Variants in GNGT1 observed in about 807,000 individuals in gnomAD.
GNGT1 encodes the protein G protein subunit gamma transducin 1, also known as guanine nucleotide-binding protein G(T) subunit gamma-T1.
In GNGT1, 4 loss-of-function variants were observed where a neutral mutation model predicts 7.4. That is an observed-to-expected ratio of 0.54 (90% CI 0.27 to 1.24). The LOEUF (loss-of-function observed/expected upper bound fraction) is 1.24. GNGT1 is among the 50% of genes most tolerant of loss of function. The pLI is 0.12. For synonymous variants in GNGT1, 37 were observed against 30.2 expected (o/e 1.23, Z -0.74); for missense variants, 95 against 82.4 (o/e 1.15, Z -0.59).
chr7:93,907,211 A>G (rs1794389283), intron 2 of GNGT1, among the ~76,000 whole-genome samples: 1 of 152,132 alleles, frequency 6.6e-6, no homozygotes, highest in Non-Finnish European at 1.5e-5. Flanking sequence ...AAGAAAAGAA[A>G]AAGAGAAAAA....
At chr7:93,906,971 G>C in intron 2 of GNGT1, 129 bp downstream of exon 2, 1 of 497,620 alleles carries the variant, frequency 2.0e-6, no homozygotes, top group Non-Finnish European at 3.5e-6. Flanking sequence ...ATTTATCAAA[G>C]ATTAAGAAAA....
At chr7:93,906,672 G>A in intron 1 of GNGT1, 28 bp downstream of exon 1, 1 of 835,650 alleles carries the variant, frequency 1.2e-6, no homozygotes. Context: ...GGAATTGTTG[G>A]CTAAGACTGA....
intron 2 of GNGT1, among the ~76,000 whole-genome samples, chr7:93,907,546 TAGA>T (rs1213562064): frequency 6.6e-6 from 1 of 152,142 alleles, no homozygotes; most frequent in Non-Finnish European, 1.5e-5. Context: ...TCACTGCCAT[TAGA>T]AGGAGAAGAA....
intron 1 of GNGT1, 32 bp from the exon 2 acceptor site, chr7:93,906,704 C>A: frequency 1.8e-6 from 2 of 1,098,448 alleles, no homozygotes; most frequent in African/African-American, 1.6e-5. Flanking sequence ...TCCAGCAATT[C>A]ATGCATAGCT....
In GNGT1 at chr7:93,910,950, T is replaced by A; in HGVS notation, c.*32T>A. ...CAAAAAGAAAAAAAATTAAACAAAT[T>A]CTTGGAAATATCTCAAATGTTAATA... On this transcript the variant is annotated 3_prime_UTR_variant, in exon 3 of 3. Transcript: ENST00000248572. 6.8e-7 allele frequency: 1 copy of A among 1,471,074 alleles called. No homozygotes were observed. Among genetic ancestry groups the A allele is most frequent in the South Asian group, 1.3e-5 (1 of 76,742 alleles). 91.1% of individuals were successfully genotyped at this position (1,471,074 alleles called of 1,614,324 possible).
chr7:93,910,528 T>G (rs1794446144), intron 2 of GNGT1: 4 of 191,828 alleles, frequency 2.1e-5, no homozygotes, highest in Admixed American at 1.8e-4. Context: ...TCTTGTCTCC[T>G]TTGATGTTGG....
At chr7:93,910,695 T>C in intron 2 of GNGT1, 95 bp from the exon 3 acceptor site, 1 of 880,600 alleles carries the variant, frequency 1.1e-6, no homozygotes, top group Non-Finnish European at 1.7e-6. Flanking sequence ...ACTGAAATTA[T>C]ACAACCTGAA....
rs1439372019 is a variant in GNGT1 at position 93,909,435 on chromosome 7, T to C, written c.97-1355T>C. The C allele has an allele frequency of 1.1e-5, 8 of 700,268 alleles. No homozygotes were observed. The Admixed American group carries it at 1.6e-4, about 14-fold the overall frequency. The allele number at this position is 700,268 out of a possible 1,614,324, so 43.4% of individuals were successfully genotyped here. On this transcript the variant is annotated intron_variant, in intron 2 of 2. Transcript: ENST00000248572. The stretch of plus-strand genomic sequence containing the variant: ...GAAATAATTTTTAAACCTATACACA[T>C]ATATAATTTTAGGTAATTTGTTGCT...
At chr7:93,907,162 A>G (rs563390840) in intron 2 of GNGT1, among the ~76,000 whole-genome samples, 1 of 152,188 alleles carries the variant, frequency 6.6e-6, no homozygotes, top group Non-Finnish European at 1.5e-5. Flanking sequence ...GAGAGAGAGA[A>G]AGAAAGGGAA....
At chr7:93,907,682 A>C (rs1794397864) in intron 2 of GNGT1, among the ~76,000 whole-genome samples, 1 of 152,210 alleles carries the variant, frequency 6.6e-6, no homozygotes, top group Non-Finnish European at 1.5e-5. Flanking sequence ...ACAAGTGGTA[A>C]CAGCAATCTC....
Position 93,909,597 on chromosome 7 carries a change from G to A in GNGT1, c.97-1193G>A. On this transcript the variant is annotated intron_variant, in intron 2 of 2. Transcript: ENST00000248572. ...AGCCAAAAGTAGTGACTTTTAGAGA[G>A]AGAGTGTGGGACCACTGAGGAAGAG... 3 of 653,328 alleles carry A rather than the reference G, an allele frequency of 4.6e-6. No homozygotes were observed. In the East Asian group the frequency reaches 8.2e-5, roughly 18 times the overall value. 40.5% of individuals were successfully genotyped at this position (653,328 alleles called of 1,614,324 possible).
At chr7:93,910,184 A>G (rs1042223047) in intron 2 of GNGT1, 2 of 152,174 alleles carry the variant, frequency 1.3e-5, no homozygotes, top group African/African-American at 2.4e-5. Context: ...AACAACATGA[A>G]TAATTCAGTC....
Position 93,910,778 on chromosome 7 carries a change from C to A in GNGT1, c.97-12C>A. The A allele has an allele frequency of 6.4e-7, 1 of 1,569,926 alleles. No homozygotes were observed. Among genetic ancestry groups the A allele is most frequent in the Admixed American group, 1.8e-5 (1 of 54,456 alleles). On this transcript the variant is annotated splice_polypyrimidine_tract_variant and intron_variant, in intron 2 of 2. Transcript: ENST00000248572. ...AAACCAAATGAGTCATCCCTTTTTC[C>A]TTCCCCTTAAGGTTTCCAAATGTTG...
intron 2 of GNGT1, among the ~76,000 whole-genome samples, chr7:93,907,758 T>C (rs1459773275): frequency 6.6e-6 from 1 of 152,188 alleles, no homozygotes; most frequent in Non-Finnish European, 1.5e-5. Context: ...TCTTCATACT[T>C]TGTTCAAAAT....
intron 2 of GNGT1, chr7:93,909,790 G>A: frequency 3.6e-6 from 1 of 278,578 alleles, no homozygotes; most frequent in Non-Finnish European, 6.6e-6. Context: ...ATAATCTTAA[G>A]TCTTATATCA....
At position 93,910,555 on chromosome 7, in the gene GNGT1, G is replaced by A. The variant is rs114119129; in HGVS notation, c.97-235G>A. 1,529 of 217,486 alleles carry A rather than the reference G, an allele frequency of 7.0e-3. 21 individuals are homozygous for A. Among genetic ancestry groups the A allele is most frequent in the African/African-American group, 0.033 (1,438 of 43,774 alleles). 13.5% of individuals were successfully genotyped at this position (217,486 alleles called of 1,614,324 possible). On this transcript the variant is annotated intron_variant, in intron 2 of 2. Transcript: ENST00000248572. ...TGATGTTGGAGGCAGTGTCTGCTGG[G>A]AATCTTTAGCTGGAGTGTGGCCAGC...
Position 93,911,073 on chromosome 7 carries a change from T to C in GNGT1, c.*155T>C. The C allele has an allele frequency of 7.1e-6, 3 of 420,484 alleles. No homozygotes were observed. The highest frequency in any genetic ancestry group is 8.4e-6 in the Non-Finnish European group (2 of 238,802). 26.0% of individuals were successfully genotyped at this position (420,484 alleles called of 1,614,324 possible). On this transcript the variant is annotated 3_prime_UTR_variant, in exon 3 of 3. Transcript: ENST00000248572. ...ACTTTTAATAAAAATTGGGGTGTGGTAACCCATCATTCTATGTTTTTCTTA... is the reference window on the plus strand; with the variant it reads ...ACTTTTAATAAAAATTGGGGTGTGGCAACCCATCATTCTATGTTTTTCTTA...
chr7:93,906,992 ATCAT>A (rs769974108), intron 2 of GNGT1, 150 bp downstream of exon 2: 1 of 356,712 alleles, frequency 2.8e-6, no homozygotes, highest in East Asian at 5.7e-5. Flanking sequence ...TTGATAATCA[ATCAT>A]AACTATCTCT....
chr7:93,910,907 G>A lies in GNGT1; in HGVS notation c.214G>A (p.Val72Met), dbSNP rs1401246996. 2 of 1,578,008 alleles carry A rather than the reference G, an allele frequency of 1.3e-6. No individual in the cohort carries two copies. Among genetic ancestry groups the A allele is most frequent in the Admixed American group, 1.9e-5 (1 of 53,998 alleles). The change falls in exon 3 of 3, where the codon GTG (valine) becomes ATG (methionine). Residue 72 changes from valine (V) to methionine (M), a missense_variant. Val to Met is a conservative substitution (Grantham distance 21, BLOSUM62 1). Coordinates refer to ENST00000248572, the MANE Select transcript of GNGT1 (RefSeq NM_021955.5). ...NPFKELKGGC[V>M]IS ...CTTCAAGGAGCTCAAAGGAGGCTGT[G>A]TGATTTCATAATACAAACAAAAAGA...
Sources: allele counts gnomAD v4.1 joint callset (sites outside exome capture counted in the v4.1 genomes callset), GRCh38; gene constraint gnomAD v4.1.1; transcripts MANE v1.5; gene names NCBI Gene and HGNC (gene_info 2026-07-23, HGNC 2026-07-21).